The following KMT2C variants were observed in gnomAD, a reference collection of about 807,000 sequenced individuals.
The protein encoded by KMT2C is histone-lysine N-methyltransferase 2C.
Under a neutral mutation model 507.9 loss-of-function variants are expected in KMT2C, and 88 were observed. That is an observed-to-expected ratio of 0.17 (90% confidence interval 0.15 to 0.21). The LOEUF is 0.21. Among genes scored for constraint, KMT2C ranks in the 10% least tolerant of loss-of-function variants. The pLI is 1.00. For synonymous variants in KMT2C, 2,049 were observed against 2,080.8 expected, an observed-to-expected ratio of 0.98 and a Z score of 0.42; for missense variants, 4,954 against 5,957.8, an observed-to-expected ratio of 0.83 and a Z score of 5.55.
In KMT2C at chr7:152,230,341, C is replaced by G; in HGVS notation, c.2770-20G>C. On this transcript the variant is annotated intron_variant, in intron 16 of 58. Transcript: ENST00000262189. ...AGACACCTATAAAAAGCAAAATACA[C>G]AGAATACGAAGTTATATTTTTCACT... 1 of 1,133,236 alleles carries G rather than the reference C, an allele frequency of 8.8e-7. No homozygotes were observed. The highest frequency in any genetic ancestry group is 2.1e-5 in the Admixed American group (1 of 47,400). The allele number at this position is 1,133,236 out of a possible 1,614,324, so 70.2% of individuals were successfully genotyped here.
Position 152,368,501 on chromosome 7 carries a change from A to T in KMT2C, c.162-9826T>A, listed in dbSNP as rs57903836. The T allele has an allele frequency of 5.3e-4, 691 of 1,312,134 alleles. 2 individuals carry two copies. The African/African-American group carries it at 9.0e-3, about 17-fold the overall frequency. 81.3% of individuals were successfully genotyped at this position (1,312,134 alleles called of 1,614,324 possible). A position where few individuals can be genotyped will look rare whatever the true frequency, so the allele number is the denominator to read the frequency against. ...GAAGCTGAGCTCCAGTGGCGCCGTG[A>T]GCTAATGAAAAAGAATTTGGAAGCA... On this transcript the variant is annotated intron_variant, in intron 1 of 58. Coordinates refer to ENST00000262189, the MANE Select transcript of KMT2C (RefSeq NM_170606.3).
At chr7:152,156,115 A>G in intron 45 of KMT2C, 58 bp from the exon 46 acceptor site, 1 of 1,599,658 alleles carries the variant, frequency 6.3e-7, no homozygotes, top group South Asian at 1.1e-5. Context: ...ATAAATGGGT[A>G]GAACTTTACA....
intron 6 of KMT2C, among the ~76,000 whole-genome samples, chr7:152,292,272 TG>T (rs1192404087): frequency 6.6e-6 from 1 of 152,108 alleles, no homozygotes; most frequent in African/African-American, 2.4e-5. Context: ...ACATGATAGG[TG>T]GGTATGCACT....
chr7:152,382,253 T>C (rs1294085466), intron 1 of KMT2C, among the ~76,000 whole-genome samples: 1 of 152,174 alleles, frequency 6.6e-6, no homozygotes, highest in East Asian at 1.9e-4. Context: ...CAACTCAGAA[T>C]AACAGTAAGA....
At chr7:152,241,512 T>A (rs2095385235) in intron 14 of KMT2C, among the ~76,000 whole-genome samples, 1 of 152,260 alleles carries the variant, frequency 6.6e-6, no homozygotes, top group African/African-American at 2.4e-5. Flanking sequence ...TTCTAACCCT[T>A]CAGGTATGGC....
At chr7:152,290,258 G>GTGTGTGTGTGTATATATATATA (rs1337492088) in intron 6 of KMT2C, among the ~76,000 whole-genome samples, 1 of 26,264 alleles carries the variant, frequency 3.8e-5, no homozygotes, top group African/African-American at 1.4e-4. Flanking sequence ...GTGTGTATGT[G>GTGTGTGTGTGTATATATATATA]TATATATATA....
rs143586873 is a variant in KMT2C at position 152,250,900 on chromosome 7, T to C, written c.1688A>G (p.Asn563Ser). Residue 563 changes from asparagine to serine, a missense_variant, in exon 12 of 59, where the codon AAT (asparagine) becomes AGT (serine). This residue lies in a region of KMT2C where 376 missense variants were observed against 352.4 expected (regional missense o/e 1.07). Coordinates refer to ENST00000262189, the MANE Select transcript of KMT2C (RefSeq NM_170606.3). Reference sequence around the variant, plus strand: ...GGACTCCTGACCGTTGACATCTTTATTAGCTGCCTGCTCTGAGAATACCAT... The same window carrying C: ...GGACTCCTGACCGTTGACATCTTTACTAGCTGCCTGCTCTGAGAATACCAT... The part of the protein sequence containing the change: ...DQMVFSEQAA[N>S]KDVNGQESTP... 1.4e-5 allele frequency: 23 copies of C among 1,611,574 alleles called. 2 individuals carry two copies. In the African/African-American group the frequency reaches 2.7e-4, roughly 19 times the overall value.
At position 152,159,355 on chromosome 7, in the gene KMT2C, G is replaced by C. The variant is rs74788008; in HGVS notation, c.11461-283C>G. The stretch of plus-strand genomic sequence containing the variant: ...CTGGCAAAGCATTACCCCTCATGCT[G>C]ACCTCCCTGGGGCTGGGGAACCCCT... On this transcript the variant is annotated intron_variant, in intron 43 of 58. Coordinates refer to ENST00000262189, the MANE Select transcript of KMT2C (RefSeq NM_170606.3). 8.6e-3 allele frequency among the ~76,000 whole-genome samples: 1,315 copies of C among 152,284 alleles called. 20 individuals are homozygous for C. The highest frequency in any genetic ancestry group is 0.03 in the African/African-American group (1,235 of 41,550).
chr7:152,243,510 G>A (rs969969785), intron 14 of KMT2C, among the ~76,000 whole-genome samples: 3 of 152,136 alleles, frequency 2.0e-5, no homozygotes, highest in Admixed American at 2.0e-4. Flanking sequence ...GGCTGGGCGT[G>A]GTGGCTCACC....
intron 8 of KMT2C, 135 bp downstream of exon 8, chr7:152,264,903 T>A: frequency 2.0e-6 from 2 of 981,976 alleles, no homozygotes; most frequent in Non-Finnish European, 2.7e-6. Context: ...GTAATTTTTT[T>A]AAGTATGATG....
At chr7:152,267,801 A>G (rs2095881828) in intron 7 of KMT2C, among the ~76,000 whole-genome samples, 1 of 152,214 alleles carries the variant, frequency 6.6e-6, no homozygotes, top group South Asian at 2.1e-4. Context: ...AGAATTTTCA[A>G]GTATGAGGCA....
intron 33 of KMT2C, among the ~76,000 whole-genome samples, chr7:152,186,314 A>T (rs2093625937): frequency 6.6e-6 from 1 of 152,230 alleles, no homozygotes; most frequent in South Asian, 2.1e-4. Flanking sequence ...ATTACTTTTA[A>T]AAAAGTTACA....
chr7:152,269,694 T>TGAGTA (rs2095924078), intron 7 of KMT2C, among the ~76,000 whole-genome samples: 3 of 150,986 alleles, frequency 2.0e-5, no homozygotes, highest in African/African-American at 2.4e-5. Context: ...TCAGCAAACT[T>TGAGTA]TACTACTGAT....
intron 42 of KMT2C, among the ~76,000 whole-genome samples, chr7:152,164,207 A>G (rs1279221373): frequency 6.6e-6 from 1 of 152,222 alleles, no homozygotes; most frequent in Non-Finnish European, 1.5e-5. Context: ...ATTACAATAT[A>G]CAATGTTAGA....
chr7:152,346,052 C>T (rs901419482), intron 2 of KMT2C, among the ~76,000 whole-genome samples: 1 of 152,040 alleles, frequency 6.6e-6, no homozygotes, highest in Admixed American at 6.6e-5. Context: ...GGGGTTAATT[C>T]CCAAGACATC....
intron 2 of KMT2C, among the ~76,000 whole-genome samples, chr7:152,352,763 T>C (rs1236977422): frequency 6.6e-6 from 1 of 152,196 alleles, no homozygotes; most frequent in African/African-American, 2.4e-5. Context: ...AGAGAATAGC[T>C]GATTTCATAC....
chr7:152,151,295 C>T (rs2091601174), intron 50 of KMT2C, 147 bp downstream of exon 50: 1 of 785,754 alleles, frequency 1.3e-6, no homozygotes, highest in Non-Finnish European at 2.0e-6. Flanking sequence ...AGCCCAAGCA[C>T]ATCTGATATA....
rs2097265839 is a variant in KMT2C at position 152,368,521 on chromosome 7, G to C, written c.162-9846C>G. On this transcript the variant is annotated intron_variant, in intron 1 of 58. Coordinates refer to ENST00000262189, the MANE Select transcript of KMT2C (RefSeq NM_170606.3). ...CCGTGAGCTAATGAAAAAGAATTTG[G>C]AAGCACAGCACAAAGAATTAGAGGA... 5.9e-6 allele frequency: 8 copies of C among 1,352,254 alleles called. No homozygotes were observed. In the East Asian group the frequency reaches 2.0e-4, roughly 33 times the overall value. 83.8% of individuals were successfully genotyped at this position (1,352,254 alleles called of 1,614,324 possible). A position where few individuals can be genotyped will look rare whatever the true frequency, so the allele number is the denominator to read the frequency against.
chr7:152,430,662 G>A (rs2097856317), intron 1 of KMT2C, among the ~76,000 whole-genome samples: 1 of 152,210 alleles, frequency 6.6e-6, no homozygotes, highest in South Asian at 2.1e-4. Flanking sequence ...CTCCAGAGTA[G>A]TTGGGACTAC....
Sources: allele counts gnomAD v4.1 joint callset (sites outside exome capture counted in the v4.1 genomes callset), GRCh38; gene constraint gnomAD v4.1.1; regional missense constraint gnomAD v4.1.1; transcripts MANE v1.5; gene names NCBI Gene and HGNC (gene_info 2026-07-23, HGNC 2026-07-21).